The following EXOSC8 variants were observed in gnomAD, a reference collection of about 807,000 sequenced individuals.
The protein encoded by EXOSC8 is exosome complex component RRP43.
A neutral mutation model predicts 39.9 loss-of-function variants in EXOSC8; 37 were observed. That is an observed-to-expected ratio of 0.93 (90% CI 0.71 to 1.22). The LOEUF is 1.22. EXOSC8 is among the 50% of genes most tolerant of loss of function. The pLI is 0.00. For missense variants in EXOSC8, 313 were observed against 326.6 expected, an observed-to-expected ratio of 0.96 and a Z score of 0.32; for synonymous variants, 93 against 109.5, an observed-to-expected ratio of 0.85 and a Z score of 0.94.
At position 37,002,674 on chromosome 13, in the gene EXOSC8, A is replaced by T. The variant is rs577863189; in HGVS notation, c.118+123A>T. 16 of 733,952 alleles carry T rather than the reference A, an allele frequency of 2.2e-5. No individual in the cohort carries two copies. In the South Asian group the frequency reaches 3.1e-4, roughly 14 times the overall value. The allele number at this position is 733,952 out of a possible 1,614,324, so 45.5% of individuals were successfully genotyped here. The stretch of plus-strand genomic sequence containing the variant: ...ATTTGATGATTTTTTTTGTCAAGAG[A>T]TTTTTATCCGTACAAAAGCCCTGTA... On this transcript the variant is annotated intron_variant, in intron 3 of 10. Transcript: ENST00000389704.
chr13:37,002,427 TGATA>T (rs1017388750), intron 2 of EXOSC8, 57 bp from the exon 3 acceptor site: 10 of 1,333,382 alleles, frequency 7.5e-6, no homozygotes, highest in African/African-American at 5.9e-5. Context: ...GTAAAACTTG[TGATA>T]GATGTGTAAA....
intron 1 of EXOSC8, 76 bp from the exon 2 acceptor site, chr13:37,002,197 A>C (rs865878647): frequency 2.4e-5 from 27 of 1,125,992 alleles, no homozygotes; most frequent in Middle Eastern, 3.9e-4. Context: ...CACCACACTT[A>C]AGATCTTTGC....
chr13:37,008,111 TA>T lies in EXOSC8; in HGVS notation c.545del (p.Lys182ArgfsTer6), dbSNP rs748384256. ...GAAACTGCTTTAGCAGAAGTTAATT[TA>T]AAGAAGAAAAGTTATTTGAATATTA... Reference protein sequence around the residue: ...NEETALAEVNLKKKSYLNIRT... With the variant: ...NEETALAEVNXKKKSYLNIRT... On this transcript the variant is annotated frameshift_variant, in exon 9 of 11. Coordinates refer to ENST00000389704, the MANE Select transcript of EXOSC8 (RefSeq NM_181503.3). LOFTEE classifies it high-confidence loss of function. The T allele has an allele frequency of 6.3e-7, 1 of 1,598,502 alleles. No individual in the cohort carries two copies. Among genetic ancestry groups the T allele is most frequent in the Non-Finnish European group, 8.5e-7 (1 of 1,172,772 alleles).
Position 37,000,842 on chromosome 13 carries a change from G to T in EXOSC8, c.17+20G>T, listed in dbSNP as rs764553269. 6.4e-7 allele frequency: 1 copy of T among 1,560,908 alleles called. No homozygotes were observed. The highest frequency in any genetic ancestry group is 1.2e-5 in the South Asian group (1 of 84,794). ...GTTCAAGTGAGTGTTGGCGGGTGGC[G>T]GGTAGAGTTCTGTACCCTGGCGGAC... On this transcript the variant is annotated intron_variant, in intron 1 of 10. Coordinates refer to ENST00000389704, the MANE Select transcript of EXOSC8 (RefSeq NM_181503.3).
rs750982862 is a variant in EXOSC8 at position 37,002,325 on chromosome 13, G to T, written c.54+16G>T. 5 of 1,598,190 alleles carry T rather than the reference G, an allele frequency of 3.1e-6. No homozygotes were observed. The South Asian group carries it at 4.4e-5, about 14-fold the overall frequency. ...GAGATTTCTGGTGAGTAAAGGTTATGTACATGTTATGCGTTTTGATAACGA... is the reference window on the plus strand; with the variant it reads ...GAGATTTCTGGTGAGTAAAGGTTATTTACATGTTATGCGTTTTGATAACGA... On this transcript the variant is annotated intron_variant, in intron 2 of 10. Coordinates refer to ENST00000389704, the MANE Select transcript of EXOSC8 (RefSeq NM_181503.3).
chr13:37,002,635 T>C, intron 3 of EXOSC8, 84 bp downstream of exon 3: 2 of 959,888 alleles, frequency 2.1e-6, no homozygotes, highest in Non-Finnish European at 3.2e-6. Context: ...TCACCCAAAT[T>C]CTTTGTCTAA....
In EXOSC8 at chr13:37,006,171, T is replaced by TAG; in HGVS notation, c.390+15_390+16dup. 6.3e-7 allele frequency: 1 copy of TAG among 1,581,476 alleles called. No homozygotes were observed. The highest frequency in any genetic ancestry group is 8.7e-7 in the Non-Finnish European group (1 of 1,154,294). On this transcript the variant is annotated intron_variant, in intron 7 of 10. Transcript: ENST00000389704. ...ATTTCTCCAGGAAAGGTAAGAGGAATAGAGAAGCTATAAGTTCTTATTAAT... is the reference window on the plus strand; with the variant it reads ...ATTTCTCCAGGAAAGGTAAGAGGAATAGAGAGAAGCTATAAGTTCTTATTAAT...
intron 9 of EXOSC8, 141 bp downstream of exon 9, chr13:37,008,318 G>A: frequency 4.3e-6 from 3 of 703,796 alleles, no homozygotes; most frequent in South Asian, 1.6e-5. Context: ...ACTTGTCCCT[G>A]CACAATTATT....
chr13:37,001,291 C>T (rs1033421015), intron 1 of EXOSC8, among the ~76,000 whole-genome samples: 1 of 152,044 alleles, frequency 6.6e-6, no homozygotes, highest in Non-Finnish European at 1.5e-5. Flanking sequence ...CGCCTGTAGT[C>T]CCAGCTACTC....
At chr13:37,007,408 A>T (rs967678515) in intron 8 of EXOSC8, among the ~76,000 whole-genome samples, 3 of 152,212 alleles carry the variant, frequency 2.0e-5, no homozygotes, top group Non-Finnish European at 2.9e-5. Context: ...TTGCCAAAAG[A>T]AGTAGAATGG....
rs2059206555 is a variant in EXOSC8, at chr13:37,009,357, C to T, written c.*58C>T. The stretch of plus-strand genomic sequence containing the variant: ...AAATTGTATTTGTTAACACTGTGCA[C>T]AAACGTTTTATACTAAATAAATATC... On this transcript the variant is annotated 3_prime_UTR_variant, in exon 11 of 11. Transcript: ENST00000389704. 3 of 967,798 alleles carry T rather than the reference C, an allele frequency of 3.1e-6. No individual in the cohort carries two copies. The allele number at this position is 967,798 out of a possible 1,614,324, so 60.0% of individuals were successfully genotyped here.
At chr13:37,009,096 T>TAG in intron 10 of EXOSC8, 88 bp from the exon 11 acceptor site, 1 of 881,886 alleles carries the variant, frequency 1.1e-6, no homozygotes, top group Non-Finnish European at 1.8e-6. Flanking sequence ...TTATCCAATT[T>TAG]TTTTGTTTTA....
At chr13:37,008,870 A>G in intron 10 of EXOSC8, 35 bp downstream of exon 10, 1 of 1,343,950 alleles carries the variant, frequency 7.4e-7, no homozygotes, top group South Asian at 1.2e-5. Flanking sequence ...AAACATATGT[A>G]GATGAAAACT....
At chr13:37,004,728 G>C (rs1376250795) in intron 5 of EXOSC8, among the ~76,000 whole-genome samples, 167 bp downstream of exon 5, 3 of 152,178 alleles carry the variant, frequency 2.0e-5, no homozygotes, top group Admixed American at 2.0e-4. Context: ...GTAAAAGATA[G>C]CATAATAGCA....
chr13:37,002,784 A>G (rs1476368897), intron 3 of EXOSC8, 150 bp from the exon 4 acceptor site: 3 of 677,632 alleles, frequency 4.4e-6, no homozygotes, highest in African/African-American at 3.7e-5. Context: ...GTAAAAATCA[A>G]TTATTCTAAC....
In EXOSC8 at chr13:37,006,993, T is replaced by C. The variant is rs1460846887; in HGVS notation, c.409T>C (p.Cys137Arg). 1.2e-6 allele frequency: 2 copies of C among 1,609,856 alleles called. No individual in the cohort carries two copies. The highest frequency in any genetic ancestry group is 1.7e-6 in the Non-Finnish European group (2 of 1,176,174). Residue 137 changes from cysteine to arginine, a missense_variant, in exon 8 of 11, where the codon TGT becomes CGT. Coordinates refer to ENST00000389704, the MANE Select transcript of EXOSC8 (RefSeq NM_181503.3). ...SPGKLVWVLY[C>R]DLICLDYDGN... ...ATTTTAGCTTGTCTGGGTTCTATAC[T>C]GTGATCTCATTTGCCTCGACTACGA... is the stretch of plus-strand genomic sequence containing the variant.
In EXOSC8 at chr13:37,000,805, G is replaced by A; in HGVS notation, c.-1G>A. ...GCAGGCGCAGACGCGCGGGCGGGAAGATGGCGGCTGGGTTCAAGTGAGTGT... is the reference window on the plus strand; with the variant it reads ...GCAGGCGCAGACGCGCGGGCGGGAAAATGGCGGCTGGGTTCAAGTGAGTGT... On this transcript the variant is annotated 5_prime_UTR_variant, in exon 1 of 11. Coordinates refer to ENST00000389704, the MANE Select transcript of EXOSC8 (RefSeq NM_181503.3). 2 of 1,582,894 alleles carry A rather than the reference G, an allele frequency of 1.3e-6. No individual in the cohort carries two copies. The highest frequency in any genetic ancestry group is 2.3e-5 in the East Asian group (1 of 42,762).
chr13:37,000,822 A>G lies in EXOSC8; in HGVS notation c.17A>G (p.Lys6Arg), dbSNP rs550092596. The G allele has an allele frequency of 1.9e-6, 3 of 1,579,846 alleles. No individual in the cohort carries two copies. Among genetic ancestry groups the G allele is most frequent in the Non-Finnish European group, 2.6e-6 (3 of 1,163,286 alleles). The stretch of plus-strand genomic sequence containing the variant: ...GGCGGGAAGATGGCGGCTGGGTTCA[A>G]GTGAGTGTTGGCGGGTGGCGGGTAG... MAAGFKTVEPLEYYRR... is the reference protein window; with the variant it reads MAAGFRTVEPLEYYRR... The change falls in exon 1 of 11, where the codon AAA (lysine) becomes AGA (arginine). Residue 6 changes from lysine to arginine, a missense_variant and splice_region_variant. By Grantham distance (26) the Lys-to-Arg change is conservative. Transcript: ENST00000389704.
intron 5 of EXOSC8, among the ~76,000 whole-genome samples, chr13:37,005,158 G>A (rs1174665885): frequency 6.6e-6 from 1 of 152,058 alleles, no homozygotes; most frequent in East Asian, 1.9e-4. Context: ...TCAAAGAACT[G>A]TCATTGCACA....
Sources: allele counts gnomAD v4.1 joint callset (sites outside exome capture counted in the v4.1 genomes callset), GRCh38; gene constraint gnomAD v4.1.1; transcripts MANE v1.5; gene names NCBI Gene and HGNC (gene_info 2026-07-23, HGNC 2026-07-21).